ADAM22: variants seen among roughly 807,000 people sequenced by gnomAD.
ADAM22 encodes ADAM metallopeptidase domain 22.
Under a neutral mutation model 144.6 loss-of-function variants are expected in ADAM22, and 65 were observed. The observed-to-expected ratio is 0.45, with a 90% CI of 0.37 to 0.55. The LOEUF is 0.55. Among genes scored for constraint, ADAM22 ranks in the 20% least tolerant of loss-of-function variants. The pLI is 0.00. For missense variants in ADAM22, 974 were observed against 1,184.9 expected, an observed-to-expected ratio of 0.82 and a Z score of 2.61; for synonymous variants, 391 against 412.6, an observed-to-expected ratio of 0.95 and a Z score of 0.63.
At chr7:88,003,630 T>G (rs542127063) in intron 3 of ADAM22, among the ~76,000 whole-genome samples, 28 of 152,198 alleles carry the variant, frequency 1.8e-4, no homozygotes, top group Admixed American at 1.2e-3. Flanking sequence ...AGAAGACAGA[T>G]TTCAATCTCC....
At chr7:88,130,243 T>C in intron 9 of ADAM22, 145 bp from the exon 10 acceptor site, 1 of 626,756 alleles carries the variant, frequency 1.6e-6, no homozygotes, top group Non-Finnish European at 2.7e-6. Flanking sequence ...TCTGACATTG[T>C]TTTACAGACA....
chr7:87,958,910 ATATT>A (rs1263071832), intron 2 of ADAM22, among the ~76,000 whole-genome samples: 1 of 151,954 alleles, frequency 6.6e-6, no homozygotes, highest in Non-Finnish European at 1.5e-5. Context: ...TGTATAGCAA[ATATT>A]TATTTATCTT....
chr7:87,961,056 A>G (rs909191954), intron 2 of ADAM22, among the ~76,000 whole-genome samples: 4 of 152,192 alleles, frequency 2.6e-5, no homozygotes, highest in African/African-American at 9.7e-5. Context: ...TATGGAAAAT[A>G]AAAAATATAG....
At chr7:88,004,761 G>A (rs1020463485) in intron 3 of ADAM22, among the ~76,000 whole-genome samples, 6 of 152,108 alleles carry the variant, frequency 3.9e-5, no homozygotes, top group African/African-American at 1.4e-4. Context: ...AGATTTTATG[G>A]CATTTCAAGT....
At chr7:88,148,711 G>C (rs774786570) in intron 17 of ADAM22, among the ~76,000 whole-genome samples, 1 of 152,094 alleles carries the variant, frequency 6.6e-6, no homozygotes, top group African/African-American at 2.4e-5. Context: ...CTAGAACCTG[G>C]ACTAACTGGC....
intron 24 of ADAM22, 148 bp from the exon 25 acceptor site, chr7:88,167,989 A>C: frequency 1.5e-6 from 1 of 665,648 alleles, no homozygotes; most frequent in South Asian, 2.0e-5. Flanking sequence ...GGATTGCTGA[A>C]TTATGGTTGA....
chr7:88,068,912 C>G (rs534851711), intron 3 of ADAM22, among the ~76,000 whole-genome samples: 2 of 152,130 alleles, frequency 1.3e-5, no homozygotes, highest in Admixed American at 6.6e-5. Context: ...TTACGCAGAG[C>G]TGTAGTTTGA....
chr7:87,952,383 G>T (rs894239392), intron 2 of ADAM22, among the ~76,000 whole-genome samples: 2 of 152,146 alleles, frequency 1.3e-5, no homozygotes, highest in Admixed American at 6.5e-5. Context: ...GGCCTTTTCT[G>T]CATCTATTGA....
chr7:87,963,939 A>T (rs1848521420), intron 2 of ADAM22, among the ~76,000 whole-genome samples: 1 of 152,200 alleles, frequency 6.6e-6, no homozygotes, highest in African/African-American at 2.4e-5. Flanking sequence ...AAATATTCAG[A>T]TGTGAGGCTG....
intron 3 of ADAM22, among the ~76,000 whole-genome samples, chr7:88,038,840 G>C (rs1463799039): frequency 2.0e-5 from 3 of 151,248 alleles, no homozygotes; most frequent in African/African-American, 7.3e-5. Flanking sequence ...GAGCACAGTG[G>C]TGCCATCACT....
intron 3 of ADAM22, among the ~76,000 whole-genome samples, chr7:88,063,280 A>T (rs577753749): frequency 6.6e-6 from 1 of 152,338 alleles, no homozygotes; most frequent in African/African-American, 2.4e-5. Flanking sequence ...CATACTTAAA[A>T]ATGCAGAGAA....
At chr7:88,017,002 C>G (rs974826394) in intron 3 of ADAM22, among the ~76,000 whole-genome samples, 1 of 152,098 alleles carries the variant, frequency 6.6e-6, no homozygotes, top group Non-Finnish European at 1.5e-5. Flanking sequence ...CCTGTAGTCC[C>G]AGCTTCTTGT....
chr7:88,158,884 C>T (rs1030653980), intron 22 of ADAM22, among the ~76,000 whole-genome samples: 1 of 151,904 alleles, frequency 6.6e-6, no homozygotes, highest in East Asian at 1.9e-4. Flanking sequence ...CCAAAGCTAG[C>T]AGAAGACAAG....
intron 2 of ADAM22, among the ~76,000 whole-genome samples, chr7:87,972,322 T>C (rs1257497346): frequency 6.6e-6 from 1 of 150,798 alleles, no homozygotes; most frequent in Non-Finnish European, 1.5e-5. Flanking sequence ...ATGAGTGAAC[T>C]CCCATTCACA....
chr7:88,062,250 T>C (rs188893118), intron 3 of ADAM22, among the ~76,000 whole-genome samples: 4 of 152,358 alleles, frequency 2.6e-5, no homozygotes, highest in Middle Eastern at 3.4e-3. Flanking sequence ...GTTGAAAATC[T>C]GTTGTGTGCT....
rs1413847841 is a variant in ADAM22, at chr7:87,934,268, G to A, written c.-198G>A. On this transcript the variant is annotated 5_prime_UTR_variant, in exon 1 of 32. Coordinates refer to ENST00000413139, the MANE Select transcript of ADAM22 (RefSeq NM_001324418.2). ...AATGCAGCACTCGCTCGCTCCCCCC[G>A]CCAGCGGAAGCGTCCGCGAAGCACA... The A allele has an allele frequency of 7.8e-6, 4 of 512,652 alleles. No homozygotes were observed. The highest frequency in any genetic ancestry group is 1.3e-5 in the Non-Finnish European group (4 of 296,766). 31.8% of individuals were successfully genotyped at this position (512,652 alleles called of 1,614,324 possible). A position where few individuals can be genotyped will look rare whatever the true frequency, so the allele number is the denominator to read the frequency against.
At chr7:88,045,888 TTGTGTG>T (rs59898382) in intron 3 of ADAM22, among the ~76,000 whole-genome samples, 3,396 of 133,974 alleles carry the variant, frequency 0.025, 120 homozygotes, top group African/African-American at 0.075. Flanking sequence ...TCGTATTCTA[TTGTGTG>T]TGTGTGTGTG....
chr7:88,048,690 T>C (rs1365452060), intron 3 of ADAM22, among the ~76,000 whole-genome samples: 1 of 152,108 alleles, frequency 6.6e-6, no homozygotes, highest in Non-Finnish European at 1.5e-5. Context: ...ATTAATAGTA[T>C]CAACTATTTT....
intron 4 of ADAM22, among the ~76,000 whole-genome samples, chr7:88,099,553 G>C (rs1822358483): frequency 6.6e-6 from 1 of 152,176 alleles, no homozygotes; most frequent in South Asian, 2.1e-4. Context: ...AAACATCATT[G>C]AAAGGATAGT....
Sources: gnomAD v4.1 joint callset for allele counts (sites outside exome capture counted in the v4.1 genomes callset) on GRCh38, gnomAD v4.1.1 for gene constraint, MANE v1.5 for transcripts, NCBI Gene and HGNC (gene_info 2026-07-23, HGNC 2026-07-21) for gene names.